The following PDE10A variants were observed in gnomAD, a reference collection of about 807,000 sequenced individuals.
PDE10A encodes the protein phosphodiesterase 10A, also known as cAMP and cAMP-inhibited cGMP 3',5'-cyclic phosphodiesterase 10A.
Under a neutral mutation model 97.7 loss-of-function variants are expected in PDE10A, and 39 were observed. That is an observed-to-expected ratio of 0.40 (90% confidence interval 0.31 to 0.52). The LOEUF (loss-of-function observed/expected upper bound fraction) is 0.52, where lower values mean the gene tolerates loss of function less well. Ranked by LOEUF, PDE10A falls within the 20% of genes least tolerant of loss-of-function variation. The pLI is 0.56. For missense variants in PDE10A, 731 were observed against 1,047.8 expected, an observed-to-expected ratio of 0.70 and a Z score of 4.17; for synonymous variants, 371 against 376.8, an observed-to-expected ratio of 0.98 and a Z score of 0.18.
intron 2 of PDE10A, among the ~76,000 whole-genome samples, chr6:165,496,111 C>T (rs1288157725): frequency 1.3e-5 from 2 of 151,856 alleles, no homozygotes; most frequent in African/African-American, 2.4e-5. Context: ...AGCAAAGCAG[C>T]CATCCAGGAA....
At chr6:165,459,968 G>T (rs1240293171) in intron 3 of PDE10A, among the ~76,000 whole-genome samples, 1 of 152,190 alleles carries the variant, frequency 6.6e-6, no homozygotes, top group African/African-American at 2.4e-5. Context: ...GAAAACAATG[G>T]GCTACTCAGT....
chr6:165,366,552 G>A (rs999599789), intron 18 of PDE10A, among the ~76,000 whole-genome samples: 9 of 152,134 alleles, frequency 5.9e-5, no homozygotes, highest in African/African-American at 1.9e-4. Context: ...AGATTTAAAC[G>A]TTGAAAGGCA....
At chr6:165,371,016 G>A (rs1384451258) in intron 18 of PDE10A, among the ~76,000 whole-genome samples, 3 of 130,658 alleles carry the variant, frequency 2.3e-5, no homozygotes, top group Admixed American at 7.8e-5. Context: ...AAATAAAGAT[G>A]TTCTCTGAAA....
intron 1 of PDE10A, among the ~76,000 whole-genome samples, chr6:165,893,039 T>TG (rs1262061967): frequency 6.6e-6 from 1 of 152,224 alleles, no homozygotes; most frequent in Non-Finnish European, 1.5e-5. Flanking sequence ...TAAGCTTTTA[T>TG]GGGGTGGAAT....
chr6:165,856,294 T>C (rs1231130012), intron 1 of PDE10A, among the ~76,000 whole-genome samples: 2 of 152,186 alleles, frequency 1.3e-5, no homozygotes, highest in Non-Finnish European at 2.9e-5. Flanking sequence ...ATCTAGATAA[T>C]GCCTTCATCA....
At chr6:165,868,248 A>C (rs560689760) in intron 1 of PDE10A, among the ~76,000 whole-genome samples, 8 of 152,064 alleles carry the variant, frequency 5.3e-5, no homozygotes, top group Non-Finnish European at 8.8e-5. Context: ...TGAAACCATA[A>C]ACAAAATTGA....
intron 1 of PDE10A, among the ~76,000 whole-genome samples, chr6:165,793,490 G>A (rs1487997947): frequency 2.6e-5 from 4 of 152,038 alleles, no homozygotes; most frequent in African/African-American, 7.3e-5. Flanking sequence ...GGGCTGGGGG[G>A]CGTGGGGTGC....
intron 3 of PDE10A, among the ~76,000 whole-genome samples, chr6:165,460,946 C>T (rs1040578807): frequency 2.0e-5 from 3 of 152,116 alleles, no homozygotes; most frequent in African/African-American, 7.2e-5. Context: ...TTTTTGATGG[C>T]GGCCGTTGTT....
intron 3 of PDE10A, among the ~76,000 whole-genome samples, chr6:165,455,799 G>A (rs546179404): frequency 2.5e-4 from 38 of 152,210 alleles, no homozygotes; most frequent in African/African-American, 7.9e-4. Context: ...GTAAGTCATT[G>A]GTCTCCAACT....
chr6:165,556,533 A>C (rs1784264090), intron 1 of PDE10A, among the ~76,000 whole-genome samples: 1 of 152,204 alleles, frequency 6.6e-6, no homozygotes, highest in African/African-American at 2.4e-5. Flanking sequence ...GGTAACAGAT[A>C]TGTTATTACA....
chr6:165,886,248 A>AGTCCTGGAATCCTGGACCCCTGGGC (rs1562782634), intron 1 of PDE10A, among the ~76,000 whole-genome samples: 6 of 148,820 alleles, frequency 4.0e-5, no homozygotes, highest in Non-Finnish European at 4.5e-5. Context: ...AGCCCTGCAG[A>AGTCCTGGAATCCTGGACCCCTGGGC]CCTGGAGTCC....
At chr6:165,555,908 G>A (rs1022180) in intron 1 of PDE10A, among the ~76,000 whole-genome samples, 16,779 of 152,046 alleles carry the variant, frequency 0.11, 1,249 homozygotes, top group African/African-American at 0.2. Context: ...AACAACAGAG[G>A]TTTGAATTGC....
chr6:165,552,751 A>C (rs1322913793), intron 1 of PDE10A, among the ~76,000 whole-genome samples: 2 of 152,152 alleles, frequency 1.3e-5, no homozygotes, highest in African/African-American at 4.8e-5. Context: ...GTACAACTAC[A>C]TGCCCAGTCC....
intron 1 of PDE10A, among the ~76,000 whole-genome samples, chr6:165,556,187 G>C (rs867061084): frequency 4.6e-5 from 7 of 152,092 alleles, no homozygotes; most frequent in African/African-American, 7.2e-5. Context: ...GACTGGGCTG[G>C]GGGGGTCAGT....
intron 1 of PDE10A, among the ~76,000 whole-genome samples, chr6:165,839,871 ATCTGCACCTCTG>A (rs1205443240): frequency 9.8e-5 from 4 of 40,636 alleles, no homozygotes; most frequent in East Asian, 9.2e-4. Context: ...CTCCATTCCC[ATCTGCACCTCTG>A]TCTCCATCCC....
chr6:165,827,850 T>C (rs1332889639), intron 1 of PDE10A, among the ~76,000 whole-genome samples: 1 of 152,202 alleles, frequency 6.6e-6, no homozygotes, highest in Admixed American at 6.5e-5. Context: ...TGTATCATTC[T>C]TACGCCTTTG....
chr6:165,825,061 C>T (rs1199839616), intron 1 of PDE10A, among the ~76,000 whole-genome samples: 3 of 147,258 alleles, frequency 2.0e-5, no homozygotes, highest in Admixed American at 6.8e-5. Flanking sequence ...AGGCAGAGAA[C>T]TGCTTGAACC....
chr6:165,345,407 T>G (rs1782240567), intron 18 of PDE10A, among the ~76,000 whole-genome samples: 1 of 152,238 alleles, frequency 6.6e-6, no homozygotes. Flanking sequence ...ATGTCTTTAG[T>G]AAATGTAAGT....
At chr6:165,586,222 A>C (rs946769108) in intron 1 of PDE10A, among the ~76,000 whole-genome samples, 17 of 152,230 alleles carry the variant, frequency 1.1e-4, no homozygotes, top group African/African-American at 4.1e-4. Flanking sequence ...CCTTAGCTCA[A>C]GTAAACTTTT....
Sources: gnomAD v4.1 joint callset for allele counts (sites outside exome capture counted in the v4.1 genomes callset) on GRCh38, gnomAD v4.1.1 for gene constraint, MANE v1.5 for transcripts, NCBI Gene and HGNC (gene_info 2026-07-23, HGNC 2026-07-21) for gene names.